Variants in LMX1B observed in about 807,000 individuals in gnomAD.
LMX1B encodes LIM homeobox transcription factor 1-beta.
Under a neutral mutation model 51.4 loss-of-function variants are expected in LMX1B, and 12 were observed. The observed-to-expected ratio is 0.23, with a 90% CI of 0.15 to 0.38. LMX1B has a LOEUF of 0.38. LMX1B is among the 10% of genes least tolerant of loss of function. The probability of loss-of-function intolerance (pLI) is 1.00; values close to 1 mark genes in which losing one functional copy is unlikely to be tolerated. For missense variants in LMX1B, 445 were observed against 571.1 expected (o/e 0.78, Z 2.25); for synonymous variants, 237 against 235.4 (o/e 1.01, Z -0.06).
rs1028053037 is a variant in LMX1B at position 126,623,288 on chromosome 9, C to G, written c.326+7719C>G. 2.0e-5 allele frequency among the ~76,000 whole-genome samples: 3 copies of G among 152,206 alleles called. No individual in the cohort carries two copies. In the East Asian group the frequency reaches 5.8e-4, roughly 29 times the overall value. Reference sequence around the variant, plus strand: ...CCAGCCTGTGGATGGGCCCTCATTACTACTGAGACACGTAGGTCCCATTTT... The same window carrying G: ...CCAGCCTGTGGATGGGCCCTCATTAGTACTGAGACACGTAGGTCCCATTTT... On this transcript the variant is annotated intron_variant, in intron 2 of 7. Transcript: ENST00000373474.
intron 2 of LMX1B, among the ~76,000 whole-genome samples, chr9:126,689,035 C>T (rs950183541): frequency 1.3e-5 from 2 of 152,228 alleles, no homozygotes; most frequent in Non-Finnish European, 2.9e-5. Context: ...CTCCATTTTA[C>T]AGGAGTAAAC....
intron 2 of LMX1B, among the ~76,000 whole-genome samples, chr9:126,646,910 A>G (rs1399528057): frequency 2.0e-5 from 3 of 152,212 alleles, no homozygotes; most frequent in Non-Finnish European, 4.4e-5. Context: ...GGTGGAACAC[A>G]CAATGTGATA....
intron 2 of LMX1B, among the ~76,000 whole-genome samples, chr9:126,688,338 C>T (rs893278237): frequency 6.6e-6 from 1 of 152,238 alleles, no homozygotes; most frequent in African/African-American, 2.4e-5. Context: ...CTTCCCCAGC[C>T]TAAGAAGGTT....
chr9:126,650,062 C>G (rs1316435302), intron 2 of LMX1B, among the ~76,000 whole-genome samples: 1 of 152,176 alleles, frequency 6.6e-6, no homozygotes, highest in African/African-American at 2.4e-5. Flanking sequence ...TTGGTGAGCC[C>G]CTGTTCATCC....
Position 126,699,202 on chromosome 9 carries a change from G to A in LMX1B, c.*2751G>A, listed in dbSNP as rs1275385413. On this transcript the variant is annotated 3_prime_UTR_variant, in exon 8 of 8. Coordinates refer to ENST00000373474, the MANE Select transcript of LMX1B (RefSeq NM_001174147.2). ...CATCTCATCTGCCCCTTATTTTATA[G>A]TTGGAAACCCTGAGGCAAGAGAGGG... is the stretch of plus-strand genomic sequence containing the variant. 1.3e-5 allele frequency: 2 copies of A among 152,294 alleles called. No individual in the cohort carries two copies. The highest frequency in any genetic ancestry group is 4.8e-5 in the African/African-American group (2 of 41,454). The allele number at this position is 152,294 out of a possible 1,614,324, so 9.4% of individuals were successfully genotyped here.
chr9:126,672,727 G>A lies in LMX1B; in HGVS notation c.327-18109G>A, dbSNP rs558414453. On this transcript the variant is annotated intron_variant, in intron 2 of 7. Transcript: ENST00000373474. ...TAAAGATGTCACATGGGGTGCGGGG[G>A]GCTGAGGAACAGTCCAGGGCCTGGC... Among the ~76,000 whole-genome samples, 16 of 152,312 alleles carry A rather than the reference G, an allele frequency of 1.1e-4. No individual in the cohort carries two copies. The South Asian group carries it at 2.5e-3, about 24-fold the overall frequency.
At chr9:126,687,253 G>A (rs2029932439) in intron 2 of LMX1B, among the ~76,000 whole-genome samples, 2 of 151,568 alleles carry the variant, frequency 1.3e-5, no homozygotes, top group Admixed American at 1.3e-4. Flanking sequence ...TTTTGAGACG[G>A]AGTCTCTCTC....
intron 2 of LMX1B, among the ~76,000 whole-genome samples, chr9:126,683,090 C>T (rs1411799356): frequency 1.3e-5 from 2 of 151,106 alleles, no homozygotes; most frequent in Non-Finnish European, 3.0e-5. Context: ...ATCAAAGGGC[C>T]GAGGGGCCGG....
intron 2 of LMX1B, among the ~76,000 whole-genome samples, chr9:126,643,599 C>A (rs934830108): frequency 2.0e-5 from 3 of 152,140 alleles, no homozygotes; most frequent in Non-Finnish European, 4.4e-5. Flanking sequence ...CATTCATTAT[C>A]CCAGCTGGGA....
At chr9:126,644,107 T>C (rs575714192) in intron 2 of LMX1B, among the ~76,000 whole-genome samples, 1 of 152,180 alleles carries the variant, frequency 6.6e-6, no homozygotes, top group East Asian at 1.9e-4. Context: ...GTGGGAGTCA[T>C]CTCACCCTGC....
intron 2 of LMX1B, among the ~76,000 whole-genome samples, chr9:126,648,249 A>G (rs144280579): frequency 6.6e-6 from 1 of 152,310 alleles, no homozygotes; most frequent in East Asian, 1.9e-4. Flanking sequence ...GCTCGGCACT[A>G]ATAGCCGGGA....
rs1368627852 is a variant in LMX1B, at chr9:126,626,406, T to G, written c.326+10837T>G. Among the ~76,000 whole-genome samples, 1 of 152,168 alleles carries G rather than the reference T, an allele frequency of 6.6e-6. No individual in the cohort carries two copies. Among genetic ancestry groups the G allele is most frequent in the Admixed American group, 6.5e-5 (1 of 15,282 alleles). On this transcript the variant is annotated intron_variant, in intron 2 of 7. Transcript: ENST00000373474. This position sits in a 1 kb window ranked among gnomAD's most constrained non-coding sequence, Gnocchi z 4.3. ...GGGAGCTCCGATGGAGGAAACCCTT[T>G]CCGGGCAGGACGAGTAGAGGGACAG...
chr9:126,654,532 T>G (rs1588283094), intron 2 of LMX1B, among the ~76,000 whole-genome samples: 1 of 152,224 alleles, frequency 6.6e-6, no homozygotes, highest in Middle Eastern at 3.4e-3. Context: ...CCACTTAGGG[T>G]GGAGGCAGCC....
intron 2 of LMX1B, among the ~76,000 whole-genome samples, chr9:126,678,177 G>A (rs1836601780): frequency 6.6e-6 from 1 of 152,062 alleles, no homozygotes; most frequent in Non-Finnish European, 1.5e-5. Flanking sequence ...CTGGGTGGTG[G>A]CCCGCGCCTG....
At chr9:126,640,524 A>G (rs1218066291) in intron 2 of LMX1B, among the ~76,000 whole-genome samples, 1 of 152,178 alleles carries the variant, frequency 6.6e-6, no homozygotes, top group African/African-American at 2.4e-5. Context: ...GTATGTGACA[A>G]GTCCTTGTGG....
intron 2 of LMX1B, among the ~76,000 whole-genome samples, chr9:126,616,992 C>G (rs1165819704): frequency 6.6e-6 from 1 of 152,226 alleles, no homozygotes; most frequent in Non-Finnish European, 1.5e-5. Flanking sequence ...CAGCTGAGGC[C>G]TTCCTCTCAG....
chr9:126,698,780 C>T lies in LMX1B; in HGVS notation c.*2329C>T, dbSNP rs1342316766. On this transcript the variant is annotated 3_prime_UTR_variant, in exon 8 of 8. Coordinates refer to ENST00000373474, the MANE Select transcript of LMX1B (RefSeq NM_001174147.2). Reference sequence around the variant, plus strand: ...TGGAATCCTCTAAGTTCAACCTGTTCTGTGGTTTTGCTCCCGTTTGCTGGG... The same window carrying T: ...TGGAATCCTCTAAGTTCAACCTGTTTTGTGGTTTTGCTCCCGTTTGCTGGG... 6.6e-6 allele frequency: 1 copy of T among 152,506 alleles called. No individual in the cohort carries two copies. Among genetic ancestry groups the T allele is most frequent in the African/African-American group, 2.4e-5 (1 of 41,470 alleles). 9.4% of individuals were successfully genotyped at this position (152,506 alleles called of 1,614,324 possible). A position where few individuals can be genotyped will look rare whatever the true frequency, so the allele number is the denominator to read the frequency against.
chr9:126,686,275 A>G (rs1389482180), intron 2 of LMX1B, among the ~76,000 whole-genome samples: 2 of 118,730 alleles, frequency 1.7e-5, no homozygotes, highest in Non-Finnish European at 3.7e-5. Flanking sequence ...GTGAGACTCC[A>G]TCTCAAAAAA....
intron 2 of LMX1B, among the ~76,000 whole-genome samples, chr9:126,656,430 GATA>G (rs1240354961): frequency 2.7e-5 from 4 of 148,990 alleles, no homozygotes; most frequent in African/African-American, 7.5e-5. Flanking sequence ...TAGATAGATA[GATA>G]GATAGGATAG....
Sources: allele counts gnomAD v4.1 joint callset (sites outside exome capture counted in the v4.1 genomes callset), GRCh38; gene constraint gnomAD v4.1.1; non-coding constraint Gnocchi (gnomAD v3.1); transcripts MANE v1.5; gene names NCBI Gene and HGNC (gene_info 2026-07-23, HGNC 2026-07-21).